CFAP97D2: variants seen among roughly 807,000 people sequenced by gnomAD.
CFAP97D2 encodes CFAP97 domain containing 2.
At chr13:114,192,600 A>T (rs2080873684) in intron 1 of CFAP97D2, among the ~76,000 whole-genome samples, 1 of 152,196 alleles carries the variant, frequency 6.6e-6, no homozygotes, top group Non-Finnish European at 1.5e-5. Context: ...GAGAAAGAAA[A>T]TTTTCTAATT....
At chr13:114,197,828 G>A (rs967131605) in intron 2 of CFAP97D2, among the ~76,000 whole-genome samples, 1 of 144,410 alleles carries the variant, frequency 6.9e-6, no homozygotes, top group Non-Finnish European at 1.5e-5. Flanking sequence ...GATTACAGGC[G>A]CACCCACCAT....
chr13:114,182,574 A>G (rs1326926826), intron 1 of CFAP97D2, among the ~76,000 whole-genome samples: 6 of 152,096 alleles, frequency 3.9e-5, no homozygotes, highest in Admixed American at 2.6e-4. Context: ...AACCTTGGAC[A>G]ATACCCCGCT....
Position 114,189,321 on chromosome 13 carries a change from A to G in CFAP97D2, c.91-7075A>G, listed in dbSNP as rs553711187. Among the ~76,000 whole-genome samples the G allele has an allele frequency of 6.6e-6, 1 of 152,328 alleles. No homozygotes were observed. The highest frequency in any genetic ancestry group is 2.1e-4 in the South Asian group (1 of 4,828). On this transcript the variant is annotated intron_variant, in intron 1 of 4. Transcript: ENST00000646158. This position sits in a 1 kb window ranked among gnomAD's most constrained non-coding sequence, Gnocchi z 4.5. ...AGGCAATCTGAATAGACCCATATCTATTCAAGAAATTGAATCAATAATTAA... is the reference window on the plus strand; with the variant it reads ...AGGCAATCTGAATAGACCCATATCTGTTCAAGAAATTGAATCAATAATTAA...
chr13:114,184,579 A>G (rs1453190207), intron 1 of CFAP97D2, among the ~76,000 whole-genome samples: 1 of 152,232 alleles, frequency 6.6e-6, no homozygotes, highest in Non-Finnish European at 1.5e-5. Flanking sequence ...GTAGGGAGAC[A>G]TGTGAAGTGT....
At position 114,181,955 on chromosome 13, in the gene CFAP97D2, G is replaced by A. The variant is rs371025389; in HGVS notation, c.90+2535G>A. Among the ~76,000 whole-genome samples, 589 of 152,216 alleles carry A rather than the reference G, an allele frequency of 3.9e-3. 5 individuals are homozygous for A. Among genetic ancestry groups the A allele is most frequent in the East Asian group, 0.021 (108 of 5,168 alleles). On this transcript the variant is annotated intron_variant, in intron 1 of 4. Coordinates refer to ENST00000646158, the Ensembl canonical transcript of CFAP97D2. ...TCCACACCTGTGGGTATTTCTAGTC[G>A]GGTGGGACGAGAGACTGAGAAAAGA...
At chr13:114,210,993 A>C (rs781290380) in intron 3 of CFAP97D2, among the ~76,000 whole-genome samples, 4 of 152,212 alleles carry the variant, frequency 2.6e-5, no homozygotes, top group Non-Finnish European at 2.9e-5. Flanking sequence ...AAATATGCAC[A>C]GGACAGTGCC....
At chr13:114,192,662 A>G in intron 1 of CFAP97D2, among the ~76,000 whole-genome samples, 1 of 152,224 alleles carries the variant, frequency 6.6e-6, no homozygotes, top group East Asian at 1.9e-4. Flanking sequence ...TACTTCACCA[A>G]AAAAGTAAAA....
chr13:114,206,446 C>T (rs113657300), intron 3 of CFAP97D2, among the ~76,000 whole-genome samples: 9,921 of 152,196 alleles, frequency 0.065, 551 homozygotes, highest in African/African-American at 0.13. Context: ...GACCATACAG[C>T]GGAGACTTTG....
intron 4 of CFAP97D2, among the ~76,000 whole-genome samples, chr13:114,217,827 C>T (rs1462182223): frequency 1.3e-5 from 2 of 152,142 alleles, no homozygotes; most frequent in Admixed American, 6.5e-5. Context: ...ATTCAACAGC[C>T]CTTCATGCTA....
In CFAP97D2 at chr13:114,179,612, G is replaced by A. The variant is rs146444693; in HGVS notation, c.90+192G>A. 1.4e-4 allele frequency among the ~76,000 whole-genome samples: 22 copies of A among 151,980 alleles called. No homozygotes were observed. The highest frequency in any genetic ancestry group is 5.3e-4 in the African/African-American group (22 of 41,462). ...ATAAAAATCTCATTAAATAGTTGAC[G>A]GCTTTCTTTCTTTCTTTTTTTTTTT... On this transcript the variant is annotated intron_variant, in intron 1 of 4. Transcript: ENST00000646158. This position sits in a 1 kb window ranked among gnomAD's most constrained non-coding sequence, Gnocchi z 4.8.
At chr13:114,183,031 T>C (rs1017420208) in intron 1 of CFAP97D2, among the ~76,000 whole-genome samples, 1 of 152,184 alleles carries the variant, frequency 6.6e-6, no homozygotes, top group East Asian at 1.9e-4. Flanking sequence ...CTGTGCTACC[T>C]GGACTTCTCT....
chr13:114,216,943 C>T (rs1455334907), intron 4 of CFAP97D2, among the ~76,000 whole-genome samples: 1 of 152,188 alleles, frequency 6.6e-6, no homozygotes, highest in East Asian at 1.9e-4. Context: ...CACATCTTCT[C>T]CAGCACCTGT....
At chr13:114,182,313 G>A (rs867382347) in intron 1 of CFAP97D2, among the ~76,000 whole-genome samples, 77 of 152,214 alleles carry the variant, frequency 5.1e-4, no homozygotes, top group Middle Eastern at 3.4e-3. Flanking sequence ...CTGCAAACAT[G>A]TCTCGCCTCC....
At chr13:114,208,184 G>T (rs1450322793) in intron 3 of CFAP97D2, among the ~76,000 whole-genome samples, 1 of 152,202 alleles carries the variant, frequency 6.6e-6, no homozygotes, top group African/African-American at 2.4e-5. Flanking sequence ...TGCCTTTCTT[G>T]TAGGCTTGTC....
chr13:114,197,962 G>A (rs1037245546), intron 2 of CFAP97D2, among the ~76,000 whole-genome samples: 4 of 152,006 alleles, frequency 2.6e-5, no homozygotes, highest in Non-Finnish European at 5.9e-5. Flanking sequence ...TGGGATTACA[G>A]GTGTTGTTTA....
intron 4 of CFAP97D2, among the ~76,000 whole-genome samples, chr13:114,221,382 A>G (rs2081021437): frequency 6.6e-6 from 1 of 152,270 alleles, no homozygotes. Flanking sequence ...TGATTCCGGG[A>G]AAAGTACTTT....
rs1041947041 is a variant in CFAP97D2 at position 114,203,994 on chromosome 13, C to G, written c.290+3551C>G. On this transcript the variant is annotated intron_variant, in intron 3 of 4. Transcript: ENST00000646158. The surrounding 1 kb of genome is among the most constrained non-coding windows in gnomAD (Gnocchi z 4.3). ...TCAAAACAATCCTGAAAAAGAAGAT[C>G]AAAGTAGTAGGACTCATGTGTCCTT... 2.0e-5 allele frequency among the ~76,000 whole-genome samples: 3 copies of G among 152,162 alleles called. No homozygotes were observed. Among genetic ancestry groups the G allele is most frequent in the Admixed American group, 6.5e-5 (1 of 15,282 alleles).
chr13:114,179,460 C>T lies in CFAP97D2; in HGVS notation c.90+40C>T, dbSNP rs527815153. 221 of 398,488 alleles carry T rather than the reference C, an allele frequency of 5.5e-4. No homozygotes were observed. The East Asian group carries it at 6.8e-3, about 12-fold the overall frequency. The allele number at this position is 398,488 out of a possible 1,614,324, so 24.7% of individuals were successfully genotyped here. ...AATCCAGCCCTGACAGCTCAGCGGG[C>T]GGGCACCAAGCAGCGCCCACGAAAT... On this transcript the variant is annotated intron_variant, in intron 1 of 4. Transcript: ENST00000646158. The surrounding 1 kb of genome is among the most constrained non-coding windows in gnomAD (Gnocchi z 4.8).
chr13:114,182,128 T>C lies in CFAP97D2; in HGVS notation c.90+2708T>C, dbSNP rs867576290. ...TTCATTATTTCAGCAAAAAGGAAAG[T>C]AGTAGGAGAGCAGGGTGATAATAAG... On this transcript the variant is annotated intron_variant, in intron 1 of 4. Coordinates refer to ENST00000646158, the Ensembl canonical transcript of CFAP97D2. Among the ~76,000 whole-genome samples, 358 of 148,046 alleles carry C rather than the reference T, an allele frequency of 2.4e-3. 1 individual carries two copies. The highest frequency in any genetic ancestry group is 7.6e-3 in the African/African-American group (301 of 39,858).
Sources: gnomAD v4.1 joint callset for allele counts (sites outside exome capture counted in the v4.1 genomes callset) on GRCh38, gnomAD v4.1.1 for gene constraint, Gnocchi (gnomAD v3.1) non-coding constraint, MANE v1.5 for transcripts, NCBI Gene and HGNC (gene_info 2026-07-23, HGNC 2026-07-21) for gene names.